Variants in CTNNA3 observed in about 807,000 individuals in gnomAD.
The protein encoded by CTNNA3 is catenin alpha-3.
CTNNA3 carries 76 observed loss-of-function variants against 95.7 expected under a neutral mutation model. The ratio of observed to expected loss-of-function variants is 0.79; its 90% CI spans 0.66 to 0.96. CTNNA3 has a LOEUF of 0.96. CTNNA3 is among the 40% of genes least tolerant of loss of function. The pLI is 0.00. For missense variants in CTNNA3, 1,191 were observed against 1,089.8 expected (o/e 1.09, Z -1.31); for synonymous variants, 431 against 374.4 (o/e 1.15, Z -1.74).
At chr10:66,731,558 C>A (rs1256431195) in intron 9 of CTNNA3, among the ~76,000 whole-genome samples, 1 of 152,112 alleles carries the variant, frequency 6.6e-6, no homozygotes, top group Non-Finnish European at 1.5e-5. Context: ...TAGCTAAGGA[C>A]CTACAACCAC....
chr10:67,308,793 G>A (rs545099703), intron 5 of CTNNA3, among the ~76,000 whole-genome samples: 24 of 152,274 alleles, frequency 1.6e-4, no homozygotes, highest in African/African-American at 5.8e-4. Flanking sequence ...TGGGAGCCAG[G>A]AAGTAAGTCA....
At chr10:66,055,402 T>G (rs1397601563) in intron 15 of CTNNA3, among the ~76,000 whole-genome samples, 1 of 152,180 alleles carries the variant, frequency 6.6e-6, no homozygotes, top group South Asian at 2.1e-4. Flanking sequence ...CTTTCATCAA[T>G]GTTTTACAGT....
intron 7 of CTNNA3, among the ~76,000 whole-genome samples, chr10:67,025,129 C>CAAA (rs1206262968): frequency 3.2e-4 from 8 of 25,302 alleles, no homozygotes; most frequent in Non-Finnish European, 4.8e-4. Flanking sequence ...AAAACTCTGT[C>CAAA]AAAAACAAAA....
intron 14 of CTNNA3, among the ~76,000 whole-genome samples, chr10:66,078,240 G>T (rs527967042): frequency 6.6e-6 from 1 of 151,972 alleles, no homozygotes; most frequent in Admixed American, 6.6e-5. Flanking sequence ...TCCACAAGAT[G>T]ATCTTGCAGT....
intron 7 of CTNNA3, among the ~76,000 whole-genome samples, chr10:66,851,765 T>C (rs1269900104): frequency 6.6e-6 from 1 of 152,086 alleles, no homozygotes; most frequent in Admixed American, 6.6e-5. Flanking sequence ...CAGTGCCATG[T>C]TTCCCGTACA....
chr10:66,383,759 C>G (rs2092863308), intron 11 of CTNNA3, among the ~76,000 whole-genome samples: 1 of 152,136 alleles, frequency 6.6e-6, no homozygotes, highest in Non-Finnish European at 1.5e-5. Context: ...TGGCAGAAAC[C>G]CTACAAGCCA....
intron 5 of CTNNA3, among the ~76,000 whole-genome samples, chr10:67,247,932 T>C (rs1865964996): frequency 6.6e-6 from 1 of 152,150 alleles, no homozygotes; most frequent in South Asian, 2.1e-4. Flanking sequence ...GACATATAGA[T>C]CAATGTAATA....
At chr10:66,905,174 T>C (rs959518443) in intron 7 of CTNNA3, among the ~76,000 whole-genome samples, 2 of 152,174 alleles carry the variant, frequency 1.3e-5, no homozygotes, top group Non-Finnish European at 2.9e-5. Flanking sequence ...ATATACACCA[T>C]GGAATACTAT....
chr10:67,238,363 C>T (rs1865584015), intron 5 of CTNNA3, among the ~76,000 whole-genome samples: 1 of 151,612 alleles, frequency 6.6e-6, no homozygotes, highest in South Asian at 2.1e-4. Flanking sequence ...GTATATCAAC[C>T]CAGTAATTTT....
intron 10 of CTNNA3, among the ~76,000 whole-genome samples, chr10:66,611,557 GA>G (rs375969559): frequency 1.8e-3 from 270 of 152,164 alleles, no homozygotes; most frequent in African/African-American, 5.8e-3. Flanking sequence ...ATTTAAGGGG[GA>G]AAAAATCTAG....
At chr10:67,645,193 G>GCA (rs113262576) in intron 2 of CTNNA3, among the ~76,000 whole-genome samples, 4,464 of 149,118 alleles carry the variant, frequency 0.03, 175 homozygotes, top group African/African-American at 0.091. Flanking sequence ...GCACGTGCGC[G>GCA]CACACACACA....
At chr10:67,525,077 T>C (rs963818541) in intron 4 of CTNNA3, among the ~76,000 whole-genome samples, 1 of 152,196 alleles carries the variant, frequency 6.6e-6, no homozygotes, top group African/African-American at 2.4e-5. Flanking sequence ...TGCTGGATTT[T>C]ACTTATTCAT....
intron 7 of CTNNA3, among the ~76,000 whole-genome samples, chr10:67,172,907 A>G (rs4746670): frequency 0.3 from 45,078 of 151,462 alleles, 9,898 homozygotes; most frequent in African/African-American, 0.62. Context: ...CCCAGGAGGC[A>G]GAGGTTGCAG....
intron 7 of CTNNA3, among the ~76,000 whole-genome samples, chr10:67,111,394 A>C (rs1858901914): frequency 6.6e-6 from 1 of 152,132 alleles, no homozygotes; most frequent in African/African-American, 2.4e-5. Flanking sequence ...CTAGAGGTTA[A>C]GAAAATTCAC....
intron 7 of CTNNA3, among the ~76,000 whole-genome samples, chr10:66,960,314 A>G (rs769654443): frequency 1.7e-4 from 26 of 152,148 alleles, no homozygotes; most frequent in Non-Finnish European, 3.2e-4. Context: ...TTGCATTTCT[A>G]TATCACTTCC....
intron 12 of CTNNA3, among the ~76,000 whole-genome samples, chr10:66,367,183 A>G: frequency 6.6e-6 from 1 of 152,054 alleles, no homozygotes; most frequent in East Asian, 1.9e-4. Context: ...GTAACTGGTT[A>G]GCCCATGCGT....
At chr10:66,508,211 T>TTTTTTTTTTTGTTTTTTTTTTTTG (rs1840527905) in intron 11 of CTNNA3, among the ~76,000 whole-genome samples, 2 of 91,176 alleles carry the variant, frequency 2.2e-5, no homozygotes, top group Admixed American at 2.0e-4. Flanking sequence ...TTGTTTTCTG[T>TTTTTTTTTTTGTTTTTTTTTTTTG]TTTTTTTTTT....
chr10:65,924,735 G>T (rs749200294), intron 17 of CTNNA3, among the ~76,000 whole-genome samples: 144 of 152,228 alleles, frequency 9.5e-4, no homozygotes, highest in Non-Finnish European at 1.6e-3. Context: ...TGCTAATAAA[G>T]ACATACCTGA....
intron 5 of CTNNA3, among the ~76,000 whole-genome samples, chr10:67,338,520 T>A (rs994727585): frequency 7.9e-5 from 12 of 152,108 alleles, no homozygotes; most frequent in Admixed American, 3.9e-4. Flanking sequence ...AGACCAATTC[T>A]TCTCTTTATT....
Sources: allele counts gnomAD v4.1 joint callset (sites outside exome capture counted in the v4.1 genomes callset), GRCh38; gene constraint gnomAD v4.1.1; transcripts MANE v1.5; gene names NCBI Gene and HGNC (gene_info 2026-07-23, HGNC 2026-07-21).